The following P4HA3 variants were observed in gnomAD, a reference collection of about 807,000 sequenced individuals.
P4HA3 encodes the protein prolyl 4-hydroxylase subunit alpha-3.
Under a neutral mutation model 66.7 loss-of-function variants are expected in P4HA3, and 60 were observed. The ratio of observed to expected loss-of-function variants is 0.90; its 90% confidence interval spans 0.73 to 1.12. The LOEUF (loss-of-function observed/expected upper bound fraction) is 1.12, where lower values mean the gene tolerates loss of function less well. Ranked by LOEUF, P4HA3 falls within the 50% of genes most tolerant of loss-of-function variation. The pLI is 0.00. For missense variants in P4HA3, 683 were observed against 685.8 expected (o/e 1.00, Z 0.05); for synonymous variants, 263 against 274.6 (o/e 0.96, Z 0.42).
chr11:74,279,732 C>G (rs1166846805), intron 7 of P4HA3, among the ~76,000 whole-genome samples: 1 of 152,204 alleles, frequency 6.6e-6, no homozygotes, highest in Non-Finnish European at 1.5e-5. Flanking sequence ...TTGAATTTAA[C>G]TGTTATTTGA....
chr11:74,272,265 T>C (rs1227892489), intron 10 of P4HA3, among the ~76,000 whole-genome samples: 1 of 152,042 alleles, frequency 6.6e-6, no homozygotes, highest in African/African-American at 2.4e-5. Context: ...TTAAAATTAC[T>C]GGGCTCTTAT....
At chr11:74,288,384 T>C (rs1860873836) in intron 5 of P4HA3, among the ~76,000 whole-genome samples, 1 of 152,204 alleles carries the variant, frequency 6.6e-6, no homozygotes, top group Non-Finnish European at 1.5e-5. Flanking sequence ...CTTTCCTTCT[T>C]GCGTACATAG....
chr11:74,305,652 G>A (rs1861558240), intron 1 of P4HA3, among the ~76,000 whole-genome samples: 3 of 152,188 alleles, frequency 2.0e-5, no homozygotes, highest in African/African-American at 2.4e-5. Flanking sequence ...CAATCTACAC[G>A]AGTTATTTGC....
At chr11:74,298,901 C>T (rs1475115800) in intron 3 of P4HA3, among the ~76,000 whole-genome samples, 1 of 152,224 alleles carries the variant, frequency 6.6e-6, no homozygotes, top group Non-Finnish European at 1.5e-5. Context: ...GAAACAGCAG[C>T]ATGGGCTAAG....
intron 15 of P4HA3, chr11:74,253,562 C>T: frequency 6.5e-7 from 1 of 1,549,316 alleles, no homozygotes; most frequent in Non-Finnish European, 8.9e-7. Context: ...AAATACGTCG[C>T]ACCAGAGGCC....
At position 74,277,074 on chromosome 11, in the gene P4HA3, G is replaced by A. The variant is rs766903775; in HGVS notation, c.1246C>T (p.Leu416Phe). The change falls in exon 9 of 13, where the codon CTT becomes TTT. Residue 416 changes from leucine (L) to phenylalanine (F), a missense_variant. Physicochemically the swap from Leu to Phe is conservative, Grantham distance 22. Coordinates refer to ENST00000331597, the MANE Select transcript of P4HA3 (RefSeq NM_182904.5). The stretch of plus-strand genomic sequence containing the variant: ...TCTGCATAGGGAGGCCGGACATCAA[G>A]GCCTGTGAGGGCAGCAATGCGGTGG... ...LNHRIAALTG[L>F]DVRPPYAEYL... The A allele has an allele frequency of 1.9e-6, 3 of 1,614,106 alleles. No individual in the cohort carries two copies. In the Admixed American group the frequency reaches 5.0e-5, roughly 27 times the overall value.
chr11:74,276,840 G>C (rs1860413688), intron 9 of P4HA3, 145 bp downstream of exon 9: 3 of 942,230 alleles, frequency 3.2e-6, no homozygotes, highest in Non-Finnish European at 1.5e-6. Flanking sequence ...TTGAAACTAA[G>C]GCTTTCAGAT....
intron 10 of P4HA3, among the ~76,000 whole-genome samples, chr11:74,270,982 C>T (rs1336514725): frequency 6.6e-6 from 1 of 152,222 alleles, no homozygotes; most frequent in East Asian, 1.9e-4. Flanking sequence ...ACTTCTTATA[C>T]ATTTTGCTAA....
intron 9 of P4HA3, 110 bp downstream of exon 9, chr11:74,276,875 C>T (rs761052205): frequency 8.4e-7 from 1 of 1,190,664 alleles, no homozygotes; most frequent in Non-Finnish European, 1.1e-6. Context: ...AACCTTTGTT[C>T]TAAGATTTCA....
At chr11:74,271,957 G>A (rs1157271638) in intron 10 of P4HA3, among the ~76,000 whole-genome samples, 1 of 151,706 alleles carries the variant, frequency 6.6e-6, no homozygotes, top group Non-Finnish European at 1.5e-5. Context: ...ATACAGTATG[G>A]AACTTTCCAG....
chr11:74,308,256 C>T (rs1420963309), intron 1 of P4HA3, among the ~76,000 whole-genome samples: 1 of 152,074 alleles, frequency 6.6e-6, no homozygotes, highest in African/African-American at 2.4e-5. Context: ...CTCATGCTTG[C>T]AATCCCAACA....
chr11:74,290,288 GTTGT>G (rs1313687274), intron 4 of P4HA3, among the ~76,000 whole-genome samples: 16 of 152,134 alleles, frequency 1.1e-4, no homozygotes, highest in Admixed American at 1.0e-3. Flanking sequence ...TTTTGATGGG[GTTGT>G]TTGTCTTTTC....
At chr11:74,272,815 T>C (rs566587810) in intron 10 of P4HA3, among the ~76,000 whole-genome samples, 2 of 152,334 alleles carry the variant, frequency 1.3e-5, no homozygotes, top group Admixed American at 6.5e-5. Flanking sequence ...TCTCTTCTAA[T>C]AAGTGATTAA....
chr11:74,289,088 G>T lies in P4HA3; in HGVS notation c.760C>A (p.Leu254Ile), dbSNP rs1860908892. 1 of 1,568,764 alleles carries T rather than the reference G, an allele frequency of 6.4e-7. No homozygotes were observed. The highest frequency in any genetic ancestry group is 1.2e-5 in the South Asian group (1 of 83,680). Residue 254 changes from leucine (L) to isoleucine (I), a missense_variant, in exon 5 of 13, where the codon CTT (leucine) becomes ATT (isoleucine). Transcript: ENST00000331597. ...SCALSLSREF[L>I]LYSPDNKRMA... ...TTTATCCATTACGTACTGTAGAGAA[G>T]AAACTCCCGAGAGAGGCTGAGGGCA...
intron 15 of P4HA3, among the ~76,000 whole-genome samples, chr11:74,255,401 C>T (rs1234264135): frequency 6.6e-6 from 1 of 152,194 alleles, no homozygotes; most frequent in African/African-American, 2.4e-5. Flanking sequence ...CTCCTCCCCC[C>T]TGGGTGGTCC....
rs779888693 is a variant in P4HA3, at chr11:74,277,138, C to T, written c.1182G>A (p.Trp394Ter). The change falls in exon 9 of 13, where the codon TGG becomes TGA. Residue 394 changes from tryptophan to a stop codon, truncating the protein, a stop_gained. Coordinates refer to ENST00000331597, the MANE Select transcript of P4HA3 (RefSeq NM_182904.5). LOFTEE classifies it high-confidence loss of function. ...GTTTTGGGTCAACAGTGTCCTTCAG[C>T]CAGGCACTAAAACACACCACAGATT... ...QVEYRISKSAWLKDTVDPKLV... is the reference protein window; with the variant it reads ...QVEYRISKSA The T allele has an allele frequency of 6.2e-6, 10 of 1,613,286 alleles. No homozygotes were observed. In the Admixed American group the frequency reaches 1.2e-4, roughly 19 times the overall value.
At chr11:74,269,125 G>T (rs2078413719) in intron 11 of P4HA3, among the ~76,000 whole-genome samples, 1 of 152,168 alleles carries the variant, frequency 6.6e-6, no homozygotes, top group African/African-American at 2.4e-5. Context: ...CAGGGAGTTG[G>T]ACTGATCTGA....
At chr11:74,292,912 T>C (rs1861081501) in intron 4 of P4HA3, among the ~76,000 whole-genome samples, 1 of 152,192 alleles carries the variant, frequency 6.6e-6, no homozygotes, top group African/African-American at 2.4e-5. Context: ...CTGAAAAGAA[T>C]GTATATTCTG....
chr11:74,292,257 T>A (rs1196789693), intron 4 of P4HA3, among the ~76,000 whole-genome samples: 1 of 152,230 alleles, frequency 6.6e-6, no homozygotes, highest in East Asian at 1.9e-4. Flanking sequence ...TATTCTCTGA[T>A]GGTAGTTTGT....
Sources: gnomAD v4.1 joint callset for allele counts (sites outside exome capture counted in the v4.1 genomes callset) on GRCh38, gnomAD v4.1.1 for gene constraint, MANE v1.5 for transcripts, NCBI Gene and HGNC (gene_info 2026-07-23, HGNC 2026-07-21) for gene names.